Variants in HS3ST4 observed in about 807,000 individuals in gnomAD.
HS3ST4 encodes the protein heparan sulfate glucosamine 3-O-sulfotransferase 4.
Under a neutral mutation model 29.2 loss-of-function variants are expected in HS3ST4, and 17 were observed. That is an observed-to-expected ratio of 0.58 (90% CI 0.40 to 0.87). The LOEUF (loss-of-function observed/expected upper bound fraction) is 0.87. HS3ST4 is among the 40% of genes least tolerant of loss of function. The pLI is 0.00. For missense variants in HS3ST4, 627 were observed against 634.5 expected (o/e 0.99, Z 0.13); for synonymous variants, 314 against 285.7 (o/e 1.10, Z -1.00).
Position 25,797,186 on chromosome 16 carries a change from C to G in HS3ST4, c.734+104035C>G, listed in dbSNP as rs142077525. On this transcript the variant is annotated intron_variant, in intron 1 of 1. Transcript: ENST00000331351. ...CCATTGTTTCGAATTTGAGAAAAAC[C>G]ACGTAGACAGGTTTTCAACTTTATC... 1.8e-3 allele frequency among the ~76,000 whole-genome samples: 275 copies of G among 152,216 alleles called. 2 individuals carry two copies. Among genetic ancestry groups the G allele is most frequent in the African/African-American group, 6.4e-3 (264 of 41,534 alleles).
At chr16:26,092,748 G>A (rs550829672) in intron 1 of HS3ST4, among the ~76,000 whole-genome samples, 2 of 152,270 alleles carry the variant, frequency 1.3e-5, no homozygotes, top group South Asian at 4.1e-4. Flanking sequence ...TTGGACAGTA[G>A]GTGCAGCCCA....
At chr16:25,987,497 A>C (rs1345551259) in intron 1 of HS3ST4, among the ~76,000 whole-genome samples, 1 of 152,258 alleles carries the variant, frequency 6.6e-6, no homozygotes, top group Non-Finnish European at 1.5e-5. Flanking sequence ...AAACGGATAA[A>C]TGGCTGGCTG....
intron 1 of HS3ST4, among the ~76,000 whole-genome samples, chr16:26,123,974 G>A (rs1383825570): frequency 6.6e-6 from 1 of 151,346 alleles, no homozygotes; most frequent in Non-Finnish European, 1.5e-5. Flanking sequence ...AGACTGGAGT[G>A]CAATGGTGCA....
intron 1 of HS3ST4, among the ~76,000 whole-genome samples, chr16:26,038,651 T>C (rs561396119): frequency 1.3e-5 from 2 of 150,206 alleles, no homozygotes; most frequent in African/African-American, 4.9e-5. Context: ...ATTTTTTTTT[T>C]AATTATGTAT....
At chr16:25,997,031 G>A (rs1436007304) in intron 1 of HS3ST4, among the ~76,000 whole-genome samples, 2 of 151,780 alleles carry the variant, frequency 1.3e-5, no homozygotes, top group African/African-American at 4.8e-5. Context: ...TCCTTTTCTA[G>A]CTAGTGAGTG....
chr16:25,886,049 T>TTC (rs1555470743), intron 1 of HS3ST4, among the ~76,000 whole-genome samples: 159 of 146,502 alleles, frequency 1.1e-3, no homozygotes, highest in African/African-American at 4.0e-3. Context: ...TTTTTTTTTT[T>TTC]TGAGACAGAG....
chr16:25,805,906 C>T (rs952355432), intron 1 of HS3ST4, among the ~76,000 whole-genome samples: 4 of 152,206 alleles, frequency 2.6e-5, no homozygotes, highest in African/African-American at 9.6e-5. Context: ...CTTTCTGTGT[C>T]CATGTGTTCT....
At chr16:25,925,505 C>A (rs73517514) in intron 1 of HS3ST4, among the ~76,000 whole-genome samples, 1 of 152,114 alleles carries the variant, frequency 6.6e-6, no homozygotes, top group Non-Finnish European at 1.5e-5. Flanking sequence ...TGTTGAAACA[C>A]AAACCAAATG....
At chr16:25,959,038 A>G (rs1319457831) in intron 1 of HS3ST4, among the ~76,000 whole-genome samples, 2 of 152,218 alleles carry the variant, frequency 1.3e-5, no homozygotes, top group Non-Finnish European at 2.9e-5. Context: ...TTTAATCATA[A>G]GGTCACCACA....
intron 1 of HS3ST4, among the ~76,000 whole-genome samples, chr16:26,041,164 C>T (rs1969633194): frequency 6.6e-6 from 1 of 151,914 alleles, no homozygotes; most frequent in East Asian, 1.9e-4. Flanking sequence ...ACAGTGAGAC[C>T]TCGTCTCTAT....
At chr16:25,919,289 C>T (rs557346551) in intron 1 of HS3ST4, among the ~76,000 whole-genome samples, 34 of 152,146 alleles carry the variant, frequency 2.2e-4, no homozygotes, top group African/African-American at 8.0e-4. Context: ...CTAGGCCTTC[C>T]AAAGTGTTGG....
chr16:26,111,484 T>A (rs1394733660), intron 1 of HS3ST4, among the ~76,000 whole-genome samples: 1 of 151,752 alleles, frequency 6.6e-6, no homozygotes, highest in East Asian at 1.9e-4. Flanking sequence ...CAGGCAAAAA[T>A]GTGTATAGTT....
intron 1 of HS3ST4, among the ~76,000 whole-genome samples, chr16:26,054,094 C>T (rs1048183765): frequency 3.9e-5 from 6 of 152,120 alleles, no homozygotes; most frequent in Admixed American, 6.6e-5. Context: ...GTCATATGGC[C>T]GTGCCTGAGA....
intron 1 of HS3ST4, among the ~76,000 whole-genome samples, chr16:25,749,004 C>T (rs571780312): frequency 9.2e-5 from 14 of 152,228 alleles, no homozygotes; most frequent in Admixed American, 4.6e-4. Context: ...TTCCAGAGTT[C>T]GCCTATAGAT....
chr16:26,103,159 T>A (rs571556762), intron 1 of HS3ST4, among the ~76,000 whole-genome samples: 4 of 152,310 alleles, frequency 2.6e-5, no homozygotes, highest in African/African-American at 9.6e-5. Context: ...GAAGAGCAGC[T>A]AGCCTAATTT....
intron 1 of HS3ST4, among the ~76,000 whole-genome samples, chr16:25,827,237 G>A (rs922850107): frequency 4.6e-5 from 7 of 152,066 alleles, no homozygotes; most frequent in African/African-American, 1.4e-4. Flanking sequence ...AAAGCCACAC[G>A]GTCCTACAAA....
chr16:25,766,125 A>G (rs1258512831), intron 1 of HS3ST4, among the ~76,000 whole-genome samples: 3 of 151,822 alleles, frequency 2.0e-5, no homozygotes, highest in Non-Finnish European at 4.4e-5. Context: ...AATAGGCACC[A>G]TCATCTAGTA....
At chr16:25,751,155 C>A (rs557216763) in intron 1 of HS3ST4, among the ~76,000 whole-genome samples, 1 of 152,288 alleles carries the variant, frequency 6.6e-6, no homozygotes, top group East Asian at 1.9e-4. Flanking sequence ...CAGGAGAGAG[C>A]AGTTGCGCAG....
At chr16:25,758,989 C>A (rs550518315) in intron 1 of HS3ST4, among the ~76,000 whole-genome samples, 363 of 36,876 alleles carry the variant, frequency 9.8e-3, no homozygotes, top group African/African-American at 0.016. Flanking sequence ...CAAAAAAAAA[C>A]CCCAGAAAAA....
Sources: gnomAD v4.1 joint callset for allele counts (sites outside exome capture counted in the v4.1 genomes callset) on GRCh38, gnomAD v4.1.1 for gene constraint, MANE v1.5 for transcripts, NCBI Gene and HGNC (gene_info 2026-07-23, HGNC 2026-07-21) for gene names.